The following ADGRA3 variants were observed in gnomAD, a reference collection of about 807,000 sequenced individuals.
ADGRA3 encodes the protein adhesion G protein-coupled receptor A3.
ADGRA3 carries 56 observed loss-of-function variants against 119.8 expected under a neutral mutation model. The observed-to-expected ratio is 0.47, with a 90% CI of 0.38 to 0.58. The LOEUF is 0.58. Ranked by LOEUF, ADGRA3 falls within the 20% of genes least tolerant of loss-of-function variation. The pLI is 0.00. For synonymous variants in ADGRA3, 607 were observed against 623.8 expected (o/e 0.97, Z 0.40); for missense variants, 1,516 against 1,649.0 (o/e 0.92, Z 1.40).
chr4:22,501,479 C>T (rs1470514876), intron 1 of ADGRA3, among the ~76,000 whole-genome samples: 1 of 151,928 alleles, frequency 6.6e-6, no homozygotes, highest in Non-Finnish European at 1.5e-5. Context: ...CATAGACCAG[C>T]AAAATATCAC....
Position 22,502,913 on chromosome 4 carries a change from A to G in ADGRA3, c.257+12615T>C, listed in dbSNP as rs531521435. ...TAAGGGAAAAAAAAAAAAAAAAAAA[A>G]CAGTAAGAAAAATGAGACCTCTTTG... is the stretch of plus-strand genomic sequence containing the variant. On this transcript the variant is annotated intron_variant, in intron 1 of 18. Coordinates refer to ENST00000334304, the MANE Select transcript of ADGRA3 (RefSeq NM_145290.4). Among the ~76,000 whole-genome samples, 958 of 137,706 alleles carry G rather than the reference A, an allele frequency of 7.0e-3. 33 individuals are homozygous for G. In the East Asian group the frequency reaches 0.1, roughly 14 times the overall value. 90.3% of individuals were successfully genotyped at this position (137,706 alleles called of 152,430 possible).
intron 14 of ADGRA3, 90 bp downstream of exon 14, chr4:22,413,081 AAAAAAAAAAAC>A (rs1715275202): frequency 2.3e-6 from 2 of 878,040 alleles, no homozygotes; most frequent in Admixed American, 2.3e-5. Context: ...AAAGTAAAAA[AAAAAAAAAAAC>A]AAAAAACAAA....
intron 1 of ADGRA3, among the ~76,000 whole-genome samples, chr4:22,502,911 AAAC>A (rs1268764935): frequency 2.0e-5 from 3 of 150,460 alleles, no homozygotes; most frequent in East Asian, 2.0e-4. Flanking sequence ...AAAAAAAAAA[AAAC>A]AGTAAGAAAA....
At chr4:22,466,449 G>A (rs1319325299) in intron 2 of ADGRA3, among the ~76,000 whole-genome samples, 1 of 152,110 alleles carries the variant, frequency 6.6e-6, no homozygotes, top group African/African-American at 2.4e-5. Context: ...TGTGAATGCT[G>A]GGCGCATTGG....
Position 22,388,140 on chromosome 4 carries a change from T to C in ADGRA3, c.3531A>G (p.Lys1177=), listed in dbSNP as rs754927845. ...HSSRHHKNRS[K]GHRASRLTVL... is the part of the protein sequence containing the mutation. ...CTGTGAGTCGGCTTGCCCGGTGTCC[T>C]TTACTTCTGTTTTTATGGTGGCGGC... Residue 1177 remains lysine (K), a synonymous_variant, in exon 19 of 19, where the codon AAA becomes AAG. Transcript: ENST00000334304. 11 of 1,614,122 alleles carry C rather than the reference T, an allele frequency of 6.8e-6. No homozygotes were observed. Among genetic ancestry groups the C allele is most frequent in the Non-Finnish European group, 9.3e-6 (11 of 1,180,002 alleles).
intron 1 of ADGRA3, among the ~76,000 whole-genome samples, chr4:22,490,147 A>G (rs940252891): frequency 6.6e-6 from 1 of 152,260 alleles, no homozygotes; most frequent in Non-Finnish European, 1.5e-5. Context: ...CTGCCTTAGC[A>G]TTAAACTGTA....
At chr4:22,448,281 T>C (rs927214788) in intron 4 of ADGRA3, among the ~76,000 whole-genome samples, 1 of 152,190 alleles carries the variant, frequency 6.6e-6, no homozygotes, top group Non-Finnish European at 1.5e-5. Context: ...GGAATATAAA[T>C]GGTGCTCAAT....
chr4:22,431,303 T>C lies in ADGRA3; in HGVS notation c.1443+4008A>G, dbSNP rs568760893. Among the ~76,000 whole-genome samples the C allele has an allele frequency of 7.9e-3, 189 of 23,950 alleles. 1 individual carries two copies. The highest frequency in any genetic ancestry group is 0.016 in the Non-Finnish European group (118 of 7,532). The allele number at this position is 23,950 out of a possible 152,430, so 15.7% of individuals were successfully genotyped here. A position where few individuals can be genotyped will look rare whatever the true frequency, so the allele number is the denominator to read the frequency against. On this transcript the variant is annotated intron_variant, in intron 10 of 18. Transcript: ENST00000334304. ...TACTAATTCTTATATATATATTATA[T>C]ATAACAATATTGTACAAGGGTACAA...
chr4:22,472,550 T>C lies in ADGRA3; in HGVS notation c.329+1222A>G, dbSNP rs532428532. ...CTGTGTGTTTCTGTATATATATATA[T>C]ACACACAAACACACACACACACGTA... On this transcript the variant is annotated intron_variant, in intron 2 of 18. Coordinates refer to ENST00000334304, the MANE Select transcript of ADGRA3 (RefSeq NM_145290.4). Among the ~76,000 whole-genome samples, 130 of 152,152 alleles carry C rather than the reference T, an allele frequency of 8.5e-4. 1 individual carries two copies. The highest frequency in any genetic ancestry group is 2.9e-3 in the East Asian group (15 of 5,184).
At chr4:22,412,386 G>A (rs1715242892) in intron 14 of ADGRA3, among the ~76,000 whole-genome samples, 1 of 152,058 alleles carries the variant, frequency 6.6e-6, no homozygotes. Flanking sequence ...ATTAATAACT[G>A]TTATTTTACC....
In ADGRA3 at chr4:22,479,697, G is replaced by A. The variant is rs181274574; in HGVS notation, c.258-5854C>T. Among the ~76,000 whole-genome samples, 430 of 152,218 alleles carry A rather than the reference G, an allele frequency of 2.8e-3. 2 individuals carry two copies. Among genetic ancestry groups the A allele is most frequent in the African/African-American group, 9.8e-3 (408 of 41,548 alleles). On this transcript the variant is annotated intron_variant, in intron 1 of 18. Transcript: ENST00000334304. ...TTCTACTATAGAGACACATGCACACGTATGTTTACTGCAGCACTATTCACA... is the reference window on the plus strand; with the variant it reads ...TTCTACTATAGAGACACATGCACACATATGTTTACTGCAGCACTATTCACA...
Position 22,442,701 on chromosome 4 carries a change from T to C in ADGRA3, c.869A>G (p.Gln290Arg). ...DGRIVETDESQGIFVEKNMIH... is the reference protein window; with the variant it reads ...DGRIVETDESRGIFVEKNMIH... ...CATGTTCTTTTCAACAAAAATACCT[T>C]GCGATTCATCGGTTTCAACTATTCT... Residue 290 changes from glutamine (Q) to arginine (R), a missense_variant, in exon 7 of 19, where the codon CAA becomes CGA. This residue lies in a region of ADGRA3 where 428 missense variants were observed against 541.9 expected (regional missense o/e 0.79). Transcript: ENST00000334304. 1 of 1,613,654 alleles carries C rather than the reference T, an allele frequency of 6.2e-7. No homozygotes were observed. The highest frequency in any genetic ancestry group is 1.1e-5 in the South Asian group (1 of 91,060).
chr4:22,480,842 T>C (rs926715540), intron 1 of ADGRA3, among the ~76,000 whole-genome samples: 1 of 152,166 alleles, frequency 6.6e-6, no homozygotes. Context: ...GGAAGCACTT[T>C]AGGTATTCAC....
intron 2 of ADGRA3, among the ~76,000 whole-genome samples, chr4:22,469,571 C>CT (rs1717784257): frequency 6.6e-6 from 1 of 152,210 alleles, no homozygotes; most frequent in African/African-American, 2.4e-5. Flanking sequence ...CATACCACTT[C>CT]TTTGAGTTCT....
chr4:22,389,176 G>C lies in ADGRA3; in HGVS notation c.2635C>G (p.Leu879Val), dbSNP rs1175982894. 4 of 1,610,246 alleles carry C rather than the reference G, an allele frequency of 2.5e-6. No homozygotes were observed. The African/African-American group carries it at 5.3e-5, about 22-fold the overall frequency. Residue 879 changes from leucine to valine, a missense_variant, in exon 18 of 19, where the codon CTG (leucine) becomes GTG (valine). Around this residue, in one of 2 missense-constraint regions of ADGRA3, gnomAD observed 1,088 missense variants for 1,107.1 expected, o/e 0.98. Transcript: ENST00000334304. Reference protein sequence around the residue: ...PPPRPMLRFYLIGGGIPIIVC... With the variant: ...PPPRPMLRFYVIGGGIPIIVC... ...ATGATGGGGATACCACCACCAATCA[G>C]GTAAAATCTAGAAGGAGGAATCACA...
At chr4:22,446,232 G>A (rs1716823557) in intron 5 of ADGRA3, among the ~76,000 whole-genome samples, 1 of 152,110 alleles carries the variant, frequency 6.6e-6, no homozygotes, top group Admixed American at 6.6e-5. Flanking sequence ...AATACCAGAA[G>A]GAGGACGTGA....
intron 11 of ADGRA3, among the ~76,000 whole-genome samples, chr4:22,421,881 C>CCAAAAAAAAAAAAAAAAAAAAAAAAAA (rs767609157): frequency 2.8e-5 from 2 of 70,440 alleles, no homozygotes; most frequent in African/African-American, 1.3e-4. Context: ...ACTCAGTCTC[C>CCAAAAAAAAAAAAAAAAAAAAAAAAAA]AAAAAAAAAA....
chr4:22,402,566 C>T lies in ADGRA3; in HGVS notation c.2357+109G>A, dbSNP rs1052694096. The T allele has an allele frequency of 6.4e-6, 7 of 1,094,140 alleles. No individual in the cohort carries two copies. The African/African-American group carries it at 1.1e-4, about 17-fold the overall frequency. The allele number at this position is 1,094,140 out of a possible 1,614,324, so 67.8% of individuals were successfully genotyped here. ...ATATATTCTAAAGTCATCATCCTTA[C>T]TTTGGAAATACAGGATGATAACAAA... On this transcript the variant is annotated intron_variant, in intron 15 of 18. Coordinates refer to ENST00000334304, the MANE Select transcript of ADGRA3 (RefSeq NM_145290.4).
chr4:22,515,212 T>G, intron 1 of ADGRA3: 1 of 212,654 alleles, frequency 4.7e-6, no homozygotes, highest in Non-Finnish European at 9.4e-6. Context: ...CTCTGTTGAC[T>G]GCGTGTTTAC....
Sources: allele counts gnomAD v4.1 joint callset (sites outside exome capture counted in the v4.1 genomes callset), GRCh38; gene constraint gnomAD v4.1.1; regional missense constraint gnomAD v4.1.1; transcripts MANE v1.5; gene names NCBI Gene and HGNC (gene_info 2026-07-23, HGNC 2026-07-21).